Variants in FHIT observed in about 807,000 individuals in gnomAD.
The protein encoded by FHIT is fragile histidine triad diadenosine triphosphatase.
FHIT carries 19 observed loss-of-function variants against 17.9 expected under a neutral mutation model. The observed-to-expected ratio is 1.06, with a 90% CI of 0.74 to 1.56. The LOEUF (loss-of-function observed/expected upper bound fraction) is 1.56. FHIT is among the 40% of genes most tolerant of loss of function. FHIT has a pLI of 0.00. For missense variants in FHIT, 248 were observed against 189.2 expected (o/e 1.31, Z -1.82); for synonymous variants, 81 against 69.7 (o/e 1.16, Z -0.81).
intron 5 of FHIT, among the ~76,000 whole-genome samples, chr3:60,031,184 T>C (rs978859591): frequency 6.6e-6 from 1 of 151,888 alleles, no homozygotes; most frequent in Admixed American, 6.5e-5. Flanking sequence ...AGATTGTGAA[T>C]GCAAGTCTGG....
At chr3:59,911,675 A>C (rs1704883280) in intron 8 of FHIT, among the ~76,000 whole-genome samples, 1 of 152,204 alleles carries the variant, frequency 6.6e-6, no homozygotes, top group African/African-American at 2.4e-5. Flanking sequence ...CAGGAAGGAC[A>C]ACAATTTGAA....
chr3:60,481,708 C>T (rs2033617511), intron 5 of FHIT, among the ~76,000 whole-genome samples: 1 of 152,186 alleles, frequency 6.6e-6, no homozygotes, highest in Non-Finnish European at 1.5e-5. Context: ...CAAGTACCAG[C>T]TGCTGCAAAA....
chr3:60,618,537 G>C (rs72889635), intron 4 of FHIT, among the ~76,000 whole-genome samples: 1,865 of 152,262 alleles, frequency 0.012, 49 homozygotes, highest in African/African-American at 0.043. Context: ...TGTGGTGCTT[G>C]GTTTTCCGTT....
chr3:59,812,114 T>C (rs1273193812), intron 8 of FHIT, among the ~76,000 whole-genome samples: 1 of 152,108 alleles, frequency 6.6e-6, no homozygotes. Flanking sequence ...AGAGGGTAGA[T>C]GCTACTGGCA....
chr3:61,024,470 A>C (rs551794866), intron 3 of FHIT, among the ~76,000 whole-genome samples: 5 of 152,254 alleles, frequency 3.3e-5, no homozygotes, highest in African/African-American at 1.2e-4. Flanking sequence ...GCAAAGGCTG[A>C]GTTTTATTTC....
chr3:60,145,847 A>G (rs1246348719), intron 5 of FHIT, among the ~76,000 whole-genome samples: 1 of 152,194 alleles, frequency 6.6e-6, no homozygotes, highest in Non-Finnish European at 1.5e-5. Context: ...ACTGCTTCAC[A>G]AAACAGATTT....
intron 4 of FHIT, among the ~76,000 whole-genome samples, chr3:60,749,485 G>A (rs2042425022): frequency 1.3e-5 from 2 of 152,164 alleles, no homozygotes; most frequent in African/African-American, 4.8e-5. Context: ...CCTACTGTGA[G>A]AGAAGACACC....
chr3:60,965,990 GC>G (rs1401908942), intron 3 of FHIT, among the ~76,000 whole-genome samples: 1 of 152,206 alleles, frequency 6.6e-6, no homozygotes, highest in African/African-American at 2.4e-5. Context: ...GTTTAAGTCT[GC>G]AGAAGTTTCT....
At chr3:60,570,409 G>C (rs1407816347) in intron 4 of FHIT, among the ~76,000 whole-genome samples, 1 of 152,126 alleles carries the variant, frequency 6.6e-6, no homozygotes, top group Non-Finnish European at 1.5e-5. Context: ...CATCCTCTGA[G>C]AGTATGTATA....
intron 5 of FHIT, among the ~76,000 whole-genome samples, chr3:60,481,016 C>T (rs1045267441): frequency 1.3e-5 from 2 of 152,204 alleles, no homozygotes; most frequent in African/African-American, 4.8e-5. Context: ...CAGAGGTTTT[C>T]CATGAGGGCT....
chr3:61,152,747 T>C (rs2037429707), intron 2 of FHIT, among the ~76,000 whole-genome samples: 1 of 149,916 alleles, frequency 6.7e-6, no homozygotes, highest in Non-Finnish European at 1.5e-5. Flanking sequence ...ATCATAGCTG[T>C]GTTTTATAAG....
chr3:60,077,735 T>G (rs4019410), intron 5 of FHIT, among the ~76,000 whole-genome samples: 9,342 of 63,052 alleles, frequency 0.15, 397 homozygotes, highest in African/African-American at 0.16. Context: ...CACACATATA[T>G]AGAGGGGGGG....
intron 5 of FHIT, among the ~76,000 whole-genome samples, chr3:60,296,220 G>T (rs9858300): frequency 1.3e-5 from 2 of 151,808 alleles, no homozygotes; most frequent in African/African-American, 2.4e-5. Flanking sequence ...AGAGGGGAAG[G>T]GGGGAAGGAG....
intron 5 of FHIT, among the ~76,000 whole-genome samples, chr3:60,110,586 T>C (rs1229874474): frequency 6.6e-6 from 1 of 152,192 alleles, no homozygotes; most frequent in Non-Finnish European, 1.5e-5. Flanking sequence ...CTGTGCATTC[T>C]TGGATAAGTT....
intron 8 of FHIT, among the ~76,000 whole-genome samples, chr3:59,888,971 T>C (rs1703740119): frequency 6.6e-6 from 1 of 152,180 alleles, no homozygotes; most frequent in South Asian, 2.1e-4. Flanking sequence ...AGCTAGTGTT[T>C]ACAAGAAACC....
intron 4 of FHIT, among the ~76,000 whole-genome samples, chr3:60,580,713 G>T (rs73107355): frequency 0.072 from 10,949 of 152,066 alleles, 461 homozygotes; most frequent in Middle Eastern, 0.17. Context: ...TGTCACTCAG[G>T]TAAGTCACTT....
intron 3 of FHIT, among the ~76,000 whole-genome samples, chr3:60,977,384 T>G (rs956748802): frequency 6.6e-6 from 1 of 152,174 alleles, no homozygotes; most frequent in Non-Finnish European, 1.5e-5. Context: ...AAAGTTGAAA[T>G]GTATCATACT....
intron 5 of FHIT, among the ~76,000 whole-genome samples, chr3:60,431,537 A>G (rs1417205753): frequency 6.6e-6 from 1 of 152,126 alleles, no homozygotes; most frequent in Non-Finnish European, 1.5e-5. Flanking sequence ...ACTAATGTTT[A>G]TGCTTTCAAT....
At chr3:61,054,747 G>A (rs1245389153) in intron 2 of FHIT, among the ~76,000 whole-genome samples, 1 of 152,136 alleles carries the variant, frequency 6.6e-6, no homozygotes, top group Non-Finnish European at 1.5e-5. Flanking sequence ...ATGGACAGCT[G>A]TCTCCTCCTC....
Sources: allele counts gnomAD v4.1 joint callset (sites outside exome capture counted in the v4.1 genomes callset), GRCh38; gene constraint gnomAD v4.1.1; transcripts MANE v1.5; gene names NCBI Gene and HGNC (gene_info 2026-07-23, HGNC 2026-07-21).